NCAM2: variants seen among roughly 807,000 people sequenced by gnomAD.
NCAM2 encodes the protein neural cell adhesion molecule 2.
Under a neutral mutation model 98.1 loss-of-function variants are expected in NCAM2, and 30 were observed. The observed-to-expected ratio is 0.31, with a 90% CI of 0.23 to 0.41. The LOEUF (loss-of-function observed/expected upper bound fraction) is 0.41, where lower values mean the gene tolerates loss of function less well. Ranked by LOEUF, NCAM2 falls within the 10% of genes least tolerant of loss-of-function variation. The pLI, the probability that NCAM2 is intolerant of heterozygous loss-of-function variation, is 1.00. For synonymous variants in NCAM2, 368 were observed against 342.4 expected, an observed-to-expected ratio of 1.07 and a Z score of -0.83; for missense variants, 867 against 1,005.8, an observed-to-expected ratio of 0.86 and a Z score of 1.87.
At chr21:21,451,076 C>G (rs1005191557) in intron 12 of NCAM2, among the ~76,000 whole-genome samples, 4 of 152,022 alleles carry the variant, frequency 2.6e-5, no homozygotes, top group Non-Finnish European at 5.9e-5. Context: ...ATTGCTCATA[C>G]AGGTATTTTG....
intron 1 of NCAM2, among the ~76,000 whole-genome samples, chr21:20,999,614 G>A (rs7510019): frequency 0.15 from 22,667 of 152,174 alleles, 2,410 homozygotes; most frequent in African/African-American, 0.3. Context: ...TTTGAGATAT[G>A]TAATGATTGC....
intron 1 of NCAM2, among the ~76,000 whole-genome samples, chr21:21,274,348 T>C (rs1397926900): frequency 6.6e-6 from 1 of 152,082 alleles, no homozygotes; most frequent in African/African-American, 2.4e-5. Context: ...TTGTTACAAT[T>C]AGAAGAAACA....
intron 15 of NCAM2, among the ~76,000 whole-genome samples, chr21:21,484,314 G>T (rs1418947840): frequency 1.3e-5 from 2 of 152,076 alleles, no homozygotes; most frequent in African/African-American, 4.8e-5. Context: ...ATGACTTTGT[G>T]TAAATCTTGC....
chr21:21,059,965 C>T (rs541083345), intron 1 of NCAM2, among the ~76,000 whole-genome samples: 23 of 151,930 alleles, frequency 1.5e-4, no homozygotes, highest in African/African-American at 4.8e-4. Context: ...ATGTTAGCTC[C>T]GATATGGAAA....
chr21:21,272,284 T>A (rs2147436863), intron 1 of NCAM2, among the ~76,000 whole-genome samples: 1 of 152,292 alleles, frequency 6.6e-6, no homozygotes, highest in Non-Finnish European at 1.5e-5. Context: ...ACCTGAGATC[T>A]GTACTACAAA....
At chr21:21,016,349 C>T (rs926902808) in intron 1 of NCAM2, among the ~76,000 whole-genome samples, 6 of 152,156 alleles carry the variant, frequency 3.9e-5, no homozygotes, top group Non-Finnish European at 7.4e-5. Context: ...ATATCAAAGC[C>T]AACGTTTATA....
chr21:21,065,408 A>C (rs747581605), intron 1 of NCAM2, among the ~76,000 whole-genome samples: 6 of 152,134 alleles, frequency 3.9e-5, no homozygotes, highest in African/African-American at 7.2e-5. Flanking sequence ...TGTGGACAAC[A>C]AAAACTACCT....
intron 1 of NCAM2, among the ~76,000 whole-genome samples, chr21:21,125,579 A>T (rs1367558952): frequency 7.4e-4 from 5 of 6,798 alleles, no homozygotes; most frequent in African/African-American, 9.8e-4. Flanking sequence ...TATAAAACAT[A>T]TAATATACAT....
chr21:21,078,839 G>A (rs2065733803), intron 1 of NCAM2, among the ~76,000 whole-genome samples: 1 of 152,144 alleles, frequency 6.6e-6, no homozygotes, highest in Admixed American at 6.6e-5. Context: ...TATATGCCAT[G>A]GAATACTATG....
intron 1 of NCAM2, among the ~76,000 whole-genome samples, chr21:21,259,354 G>A (rs545440260): frequency 2.6e-5 from 4 of 152,236 alleles, no homozygotes; most frequent in Non-Finnish European, 4.4e-5. Flanking sequence ...CACAAAAACC[G>A]TATGAACTGA....
intron 9 of NCAM2, among the ~76,000 whole-genome samples, chr21:21,380,238 A>G (rs1226417954): frequency 1.3e-5 from 2 of 152,098 alleles, no homozygotes; most frequent in Non-Finnish European, 2.9e-5. Context: ...TTCTATCCTT[A>G]CTGAATTTTT....
chr21:21,239,427 A>G (rs367579055), intron 1 of NCAM2: 1 of 152,150 alleles, frequency 6.6e-6, no homozygotes, highest in African/African-American at 2.4e-5. Context: ...GCTCTTTGTA[A>G]CCAGCAATGT....
At chr21:21,298,610 GATAGATAGA>G (rs2073583041) in intron 5 of NCAM2, among the ~76,000 whole-genome samples, 1 of 151,340 alleles carries the variant, frequency 6.6e-6, no homozygotes, top group Non-Finnish European at 1.5e-5. Flanking sequence ...TAGATAGATA[GATAGATAGA>G]TAGATAGATA....
At chr21:21,183,987 TA>T (rs2068559712) in intron 1 of NCAM2, among the ~76,000 whole-genome samples, 1 of 152,118 alleles carries the variant, frequency 6.6e-6, no homozygotes, top group African/African-American at 2.4e-5. Context: ...TTTATGATCC[TA>T]ATAAGAATTT....
chr21:21,444,919 G>A (rs746650769), intron 12 of NCAM2, among the ~76,000 whole-genome samples: 1 of 152,068 alleles, frequency 6.6e-6, no homozygotes, highest in African/African-American at 2.4e-5. Context: ...TTTTAAGTGT[G>A]ATGTTAGGGT....
chr21:21,344,274 C>A (rs2075128362), intron 8 of NCAM2, among the ~76,000 whole-genome samples: 1 of 152,118 alleles, frequency 6.6e-6, no homozygotes, highest in South Asian at 2.1e-4. Flanking sequence ...TTTGATAAGC[C>A]TCTGATACTT....
At chr21:21,537,795 C>G (rs2826891) in intron 17 of NCAM2, 51 bp from the exon 18 acceptor site, 1 of 907,582 alleles carries the variant, frequency 1.1e-6, no homozygotes, top group East Asian at 2.5e-5. Context: ...GGTTAAGGTA[C>G]GTCTCCTTAA....
rs1410398635 is a variant in NCAM2, at chr21:21,072,977, C to G, written c.55+74359C>G. Among the ~76,000 whole-genome samples the G allele has an allele frequency of 2.7e-5, 4 of 147,708 alleles. No individual in the cohort carries two copies. The East Asian group carries it at 7.7e-4, about 29-fold the overall frequency. On this transcript the variant is annotated intron_variant, in intron 1 of 17. Transcript: ENST00000400546. ...TTCATACCCATTAAGCAATAACTTTCAATTCCCTCCTACCTCCAGTCCCTA... is the reference window on the plus strand; with the variant it reads ...TTCATACCCATTAAGCAATAACTTTGAATTCCCTCCTACCTCCAGTCCCTA...
At chr21:21,274,039 G>A (rs998657357) in intron 1 of NCAM2, among the ~76,000 whole-genome samples, 1 of 86,114 alleles carries the variant, frequency 1.2e-5, no homozygotes, top group African/African-American at 4.8e-5. Context: ...GTGGCGCATG[G>A]CTGTAATCCC....
Sources: gnomAD v4.1 joint callset for allele counts (sites outside exome capture counted in the v4.1 genomes callset) on GRCh38, gnomAD v4.1.1 for gene constraint, MANE v1.5 for transcripts, NCBI Gene and HGNC (gene_info 2026-07-23, HGNC 2026-07-21) for gene names.